The following MAP7D2 variants were observed in gnomAD, a reference collection of about 807,000 sequenced individuals.
MAP7D2 encodes MAP7 domain containing 2.
Under a neutral mutation model 63.5 loss-of-function variants are expected in MAP7D2, and 33 were observed. The ratio of observed to expected loss-of-function variants is 0.52; its 90% CI spans 0.39 to 0.70. MAP7D2 has a LOEUF of 0.70. MAP7D2 is among the 30% of genes least tolerant of loss of function. The pLI, the probability that MAP7D2 is intolerant of heterozygous loss-of-function variation, is 0.00. For synonymous variants in MAP7D2, 224 were observed against 223.7 expected (o/e 1.00, Z -0.01); for missense variants, 626 against 604.0 (o/e 1.04, Z -0.38).
At chrX:20,098,557 TG>T (rs111268222) in intron 1 of MAP7D2, among the ~76,000 whole-genome samples, 37 of 106,965 alleles carry the variant, frequency 3.5e-4, no homozygotes, top group Admixed American at 6.0e-4. Flanking sequence ...CTCTACACGG[TG>T]GGGGGGGGAG....
At chrX:20,073,769 G>A (rs1413375694) in intron 1 of MAP7D2, among the ~76,000 whole-genome samples, 3 of 104,604 alleles carry the variant, frequency 2.9e-5, no homozygotes, top group Non-Finnish European at 5.9e-5. Flanking sequence ...CTCGTGATCC[G>A]CCTGCCTCAG....
intron 1 of MAP7D2, among the ~76,000 whole-genome samples, chrX:20,112,290 G>A (rs2148580756): frequency 8.9e-6 from 1 of 112,062 alleles, no homozygotes; most frequent in South Asian, 3.7e-4. Context: ...AAGGATCTCA[G>A]GCATTTGGCA....
Position 20,052,957 on chromosome X carries a change from A to G in MAP7D2, c.516T>C (p.Ser172=), listed in dbSNP as rs750949018. 1 of 1,210,087 alleles carries G rather than the reference A, an allele frequency of 8.3e-7. No homozygotes were observed. Among genetic ancestry groups the G allele is most frequent in the East Asian group, 3.0e-5 (1 of 33,855 alleles). The change falls in exon 5 of 17, where the codon AGT becomes AGC. Residue 172 remains serine (S), a synonymous_variant. Coordinates refer to ENST00000379643, the MANE Select transcript of MAP7D2 (RefSeq NM_001168465.2). ...TGGGAGGCTCCGTTGGCTTTGGCAA[A>G]CTCATAGTTGATGTTGAAAGTTTGT... ...ACDKLSTSTM[S]LPKPTEPPMN...
intron 8 of MAP7D2, among the ~76,000 whole-genome samples, chrX:20,035,685 T>C (rs751858587): frequency 2.7e-5 from 3 of 110,033 alleles, no homozygotes; most frequent in Admixed American, 1.9e-4. Context: ...GGTCAGGAGA[T>C]TGAGACCATC....
chrX:20,069,774 ATTT>A (rs747257549), intron 1 of MAP7D2, among the ~76,000 whole-genome samples: 17 of 87,294 alleles, frequency 1.9e-4, no homozygotes, highest in African/African-American at 3.8e-4. Context: ...TCTCTCTGTA[ATTT>A]TTTTTTTTTT....
chrX:20,022,952 G>T (rs1202567835), intron 10 of MAP7D2, among the ~76,000 whole-genome samples: 1 of 111,528 alleles, frequency 9.0e-6, no homozygotes, highest in Non-Finnish European at 1.9e-5. Flanking sequence ...GAAATGTGGC[G>T]GGTGTGGCTG....
chrX:20,015,976 A>G lies in MAP7D2; in HGVS notation c.1644+118T>C, dbSNP rs1437721902. The G allele has an allele frequency of 2.9e-5, 19 of 656,445 alleles. No homozygotes were observed. In the South Asian group the frequency reaches 3.6e-4, roughly 12 times the overall value. The allele number at this position is 656,445 out of a possible 1,213,427, so 54.1% of individuals were successfully genotyped here. ...CCAACTTATATTTAATAACCAGCCC[A>G]GACAGTTTAAGAAGAAACTTCAAGT... On this transcript the variant is annotated intron_variant, in intron 11 of 16. Coordinates refer to ENST00000379643, the MANE Select transcript of MAP7D2 (RefSeq NM_001168465.2).
chrX:20,051,352 C>T (rs2064942660), intron 5 of MAP7D2, among the ~76,000 whole-genome samples: 1 of 111,169 alleles, frequency 9.0e-6, no homozygotes, highest in African/African-American at 3.3e-5. Context: ...GAATTTGAGA[C>T]CACCCTGGGC....
rs375622351 is a variant in MAP7D2, at chrX:20,052,994, G to C, written c.485-6C>G. 2.0e-4 allele frequency: 232 copies of C among 1,158,854 alleles called. 1 individual carries two copies. The highest frequency in any genetic ancestry group is 2.6e-5 in the Non-Finnish European group (22 of 848,323). On this transcript the variant is annotated splice_region_variant and splice_polypyrimidine_tract_variant and intron_variant, in intron 4 of 16. Coordinates refer to ENST00000379643, the MANE Select transcript of MAP7D2 (RefSeq NM_001168465.2). ...TGTTGAAAGTTTGTCACATGCTGCA[G>C]AGAAATGCATTAAAGACATTGGTAT...
intron 1 of MAP7D2, among the ~76,000 whole-genome samples, chrX:20,074,415 G>A: frequency 8.9e-6 from 1 of 112,125 alleles, no homozygotes; most frequent in Middle Eastern, 4.6e-3. Context: ...AATCTTGCAA[G>A]TGGAAACTGA....
At chrX:20,025,171 G>A in intron 9 of MAP7D2, 88 bp from the exon 10 acceptor site, 1 of 1,064,475 alleles carries the variant, frequency 9.4e-7, no homozygotes, top group Non-Finnish European at 1.2e-6. Flanking sequence ...AGTTGGAAGT[G>A]AAAAAAAATC....
At position 20,063,587 on chromosome X, in the gene MAP7D2, G is replaced by A. The variant is rs1188524724; in HGVS notation, c.209-10C>T. On this transcript the variant is annotated splice_polypyrimidine_tract_variant and intron_variant, in intron 2 of 16. Transcript: ENST00000379643. ...TGTTGCTCCCGAGCAGCTGGGGAAG[G>A]AAAGTAGAAGAGAGGTGTCATTACC... The A allele has an allele frequency of 4.1e-6, 5 of 1,207,241 alleles. No homozygotes were observed. Among genetic ancestry groups the A allele is most frequent in the Non-Finnish European group, 3.4e-6 (3 of 893,698 alleles).
chrX:20,116,572 G>T lies in MAP7D2; in HGVS notation c.130+178C>A, dbSNP rs745506477. The T allele has an allele frequency of 2.3e-4, 222 of 952,907 alleles. 1 individual carries two copies. In the African/African-American group the frequency reaches 4.2e-3, roughly 18 times the overall value. The allele number at this position is 952,907 out of a possible 1,213,427, so 78.5% of individuals were successfully genotyped here. A position where few individuals can be genotyped will look rare whatever the true frequency, so the allele number is the denominator to read the frequency against. On this transcript the variant is annotated intron_variant, in intron 1 of 16. Coordinates refer to ENST00000379643, the MANE Select transcript of MAP7D2 (RefSeq NM_001168465.2). ...AAGAACCCCGCCACTCGCACAGAGA[G>T]GGGTGCGGCCCTTGGATGCACGTCC...
At position 20,016,220 on chromosome X, in the gene MAP7D2, C is replaced by T. The variant is rs1444802827; in HGVS notation, c.1518G>A (p.Lys506=). The T allele has an allele frequency of 1.7e-6, 2 of 1,200,938 alleles. No homozygotes were observed. Among genetic ancestry groups the T allele is most frequent in the South Asian group, 3.6e-5 (2 of 55,785 alleles). Residue 506 remains lysine (K), a synonymous_variant, in exon 11 of 17, where the codon AAG becomes AAA. Transcript: ENST00000379643. ...TTTTCTCTTCCCCTTCCTGTTTTTT[C>T]TTTTCCTCTTCCTGCCGCTTCCTTT... The part of the protein sequence containing the change: ...EEERKRQEEE[K]KKQEGEEKRK...
chrX:20,019,032 T>C (rs1168433785), intron 10 of MAP7D2, among the ~76,000 whole-genome samples: 1 of 110,246 alleles, frequency 9.1e-6, no homozygotes. Context: ...GTCCTTTTTT[T>C]TTTTTCTTTG....
intron 1 of MAP7D2, among the ~76,000 whole-genome samples, chrX:20,084,815 T>C (rs1407464949): frequency 9.0e-6 from 1 of 111,038 alleles, no homozygotes; most frequent in Non-Finnish European, 1.9e-5. Flanking sequence ...GTGATCTATC[T>C]ACCTGCCTCA....
intron 3 of MAP7D2, among the ~76,000 whole-genome samples, chrX:20,057,091 T>A (rs1240204811): frequency 8.9e-6 from 1 of 112,857 alleles, no homozygotes; most frequent in Non-Finnish European, 1.9e-5. Context: ...TTGAGGCCTA[T>A]CTCAAGGCAT....
rs183342031 is a variant in MAP7D2 at position 20,010,779 on chromosome X, T to G, written c.*24A>C. On this transcript the variant is annotated splice_region_variant and 3_prime_UTR_variant, in exon 16 of 17. Transcript: ENST00000379643. ...AGAATATAATCAAAAGACTGTACCTTTTATTAAAGGGATGCTGTATTTGTC... is the reference window on the plus strand; with the variant it reads ...AGAATATAATCAAAAGACTGTACCTGTTATTAAAGGGATGCTGTATTTGTC... The G allele has an allele frequency of 2.3e-4, 271 of 1,191,664 alleles. 1 individual carries two copies. Among genetic ancestry groups the G allele is most frequent in the East Asian group, 1.4e-3 (47 of 33,586 alleles).
chrX:20,052,411 A>G lies in MAP7D2; in HGVS notation c.595+467T>C, dbSNP rs762711609. ...TAGTTCTGTGCTTCTCTTTTCATCT[A>G]CAAAATGGGCAGGCCTATAAACCAC... is the stretch of plus-strand genomic sequence containing the variant. On this transcript the variant is annotated intron_variant, in intron 5 of 16. Transcript: ENST00000379643. 2.4e-5 allele frequency: 7 copies of G among 296,046 alleles called. No homozygotes were observed. The South Asian group carries it at 2.4e-4, about 10-fold the overall frequency. The allele number at this position is 296,046 out of a possible 1,213,427, so 24.4% of individuals were successfully genotyped here. A position where few individuals can be genotyped will look rare whatever the true frequency, so the allele number is the denominator to read the frequency against.
Sources: gnomAD v4.1 joint callset for allele counts (sites outside exome capture counted in the v4.1 genomes callset) on GRCh38, gnomAD v4.1.1 for gene constraint, MANE v1.5 for transcripts, NCBI Gene and HGNC (gene_info 2026-07-23, HGNC 2026-07-21) for gene names.